DNAJC3: variants seen among roughly 807,000 people sequenced by gnomAD.
The protein encoded by DNAJC3 is dnaJ homolog subfamily C member 3.
In DNAJC3, 38 loss-of-function variants were observed where a neutral mutation model predicts 68.6. The observed-to-expected ratio is 0.55, with a 90% confidence interval of 0.43 to 0.73. DNAJC3 has a LOEUF of 0.73. Ranked by LOEUF, DNAJC3 falls within the 30% of genes least tolerant of loss-of-function variation. The pLI is 0.00. For synonymous variants in DNAJC3, 203 were observed against 204.0 expected (o/e 1.00, Z 0.04); for missense variants, 526 against 591.9 (o/e 0.89, Z 1.16).
At chr13:95,745,887 T>G (rs1170094350) in intron 4 of DNAJC3, 2 of 152,234 alleles carry the variant, frequency 1.3e-5, no homozygotes, top group African/African-American at 4.8e-5. Flanking sequence ...TAGATTTGAC[T>G]TTGTACTTCA....
chr13:95,739,904 C>T (rs1032900357), intron 4 of DNAJC3, among the ~76,000 whole-genome samples: 2 of 152,130 alleles, frequency 1.3e-5, no homozygotes, highest in African/African-American at 4.8e-5. Flanking sequence ...TTTAGAGTTT[C>T]CAGTTTTTCT....
At chr13:95,694,396 C>T (rs1351306971) in intron 1 of DNAJC3, 1 of 152,626 alleles carries the variant, frequency 6.6e-6, no homozygotes, top group Non-Finnish European at 1.5e-5. Flanking sequence ...CACAGCACCA[C>T]TAATAACCCT....
intron 2 of DNAJC3, among the ~76,000 whole-genome samples, chr13:95,721,568 AT>A (rs922881547): frequency 1.3e-5 from 2 of 151,568 alleles, no homozygotes; most frequent in Non-Finnish European, 2.9e-5. Context: ...CCTTGCGAAC[AT>A]TTGTTATTTT....
chr13:95,773,050 C>A (rs965319006), intron 9 of DNAJC3, among the ~76,000 whole-genome samples: 2 of 141,410 alleles, frequency 1.4e-5, no homozygotes, highest in African/African-American at 5.3e-5. Flanking sequence ...GTCATCTCTT[C>A]TTTAAAGTTT....
At chr13:95,738,386 T>A (rs1411614780) in intron 4 of DNAJC3, among the ~76,000 whole-genome samples, 3 of 149,556 alleles carry the variant, frequency 2.0e-5, no homozygotes, top group Non-Finnish European at 4.5e-5. Context: ...CTTGTTGACT[T>A]TCTGTCTCGT....
chr13:95,784,184 AT>A (rs1241233680), intron 9 of DNAJC3, among the ~76,000 whole-genome samples: 12 of 152,222 alleles, frequency 7.9e-5, no homozygotes, highest in Non-Finnish European at 8.8e-5. Flanking sequence ...AAAAACAAGA[AT>A]TTTATCCCAG....
intron 1 of DNAJC3, among the ~76,000 whole-genome samples, chr13:95,682,437 C>T (rs759269435): frequency 6.6e-6 from 1 of 152,014 alleles, no homozygotes; most frequent in Non-Finnish European, 1.5e-5. Flanking sequence ...TTCTTCCAGT[C>T]TTGATTGTAA....
intron 2 of DNAJC3, among the ~76,000 whole-genome samples, chr13:95,717,525 G>C (rs1216009483): frequency 6.6e-6 from 1 of 152,196 alleles, no homozygotes; most frequent in Non-Finnish European, 1.5e-5. Flanking sequence ...CTGAGAGAAT[G>C]AGTAAAACAT....
intron 4 of DNAJC3, among the ~76,000 whole-genome samples, chr13:95,747,247 T>C (rs1882331814): frequency 6.6e-6 from 1 of 152,208 alleles, no homozygotes; most frequent in African/African-American, 2.4e-5. Flanking sequence ...GAGTAAGAAT[T>C]AATCAGGCAA....
At chr13:95,717,983 G>T (rs151040822) in intron 2 of DNAJC3, among the ~76,000 whole-genome samples, 2 of 152,212 alleles carry the variant, frequency 1.3e-5, no homozygotes, top group Non-Finnish European at 2.9e-5. Context: ...TCTCCAGATA[G>T]TAGTTGTATT....
At chr13:95,685,966 CT>C (rs374118316) in intron 1 of DNAJC3, among the ~76,000 whole-genome samples, 2,358 of 143,518 alleles carry the variant, frequency 0.016, 55 homozygotes, top group African/African-American at 0.053. Context: ...CCTTTGCCCA[CT>C]TTTTTTTTTT....
chr13:95,751,629 T>TA (rs1285593077), intron 4 of DNAJC3, among the ~76,000 whole-genome samples: 1 of 152,218 alleles, frequency 6.6e-6, no homozygotes, highest in African/African-American at 2.4e-5. Flanking sequence ...GTGGTTTGAT[T>TA]AAAAACTACA....
rs1045349261 is a variant in DNAJC3 at position 95,756,877 on chromosome 13, G to A, written c.394-767G>A. The stretch of plus-strand genomic sequence containing the variant: ...TGTGCACAGGGCTGGGGTTGGGAGT[G>A]GGGATGAACTGTAAGTAAAAACAAG... On this transcript the variant is annotated intron_variant, in intron 4 of 11. Coordinates refer to ENST00000602402, the MANE Select transcript of DNAJC3 (RefSeq NM_006260.5). 6.6e-5 allele frequency among the ~76,000 whole-genome samples: 10 copies of A among 152,198 alleles called. No individual in the cohort carries two copies. The East Asian group carries it at 1.9e-3, about 29-fold the overall frequency.
chr13:95,730,249 C>T (rs1208973248), intron 4 of DNAJC3, among the ~76,000 whole-genome samples: 1 of 152,130 alleles, frequency 6.6e-6, no homozygotes, highest in African/African-American at 2.4e-5. Flanking sequence ...CCACTTTGGC[C>T]TCCCAAAGTG....
At chr13:95,776,086 C>T (rs184585909) in intron 9 of DNAJC3, among the ~76,000 whole-genome samples, 5 of 151,996 alleles carry the variant, frequency 3.3e-5, no homozygotes, top group Admixed American at 1.3e-4. Flanking sequence ...TCTTTTGCCC[C>T]AGAACTCCTT....
intron 1 of DNAJC3, among the ~76,000 whole-genome samples, chr13:95,702,872 C>T (rs1236321844): frequency 6.6e-6 from 1 of 152,210 alleles, no homozygotes; most frequent in African/African-American, 2.4e-5. Context: ...CCATCAGTCA[C>T]GTATCCATCA....
At chr13:95,691,520 C>T (rs1880260865) in intron 1 of DNAJC3, among the ~76,000 whole-genome samples, 11 of 151,788 alleles carry the variant, frequency 7.2e-5, no homozygotes, top group Admixed American at 7.2e-4. Flanking sequence ...AGGCACTCCT[C>T]ACTTCCTAGA....
chr13:95,739,292 A>G lies in DNAJC3; in HGVS notation c.393+14040A>G, dbSNP rs1241127167. Among the ~76,000 whole-genome samples, 7 of 151,366 alleles carry G rather than the reference A, an allele frequency of 4.6e-5. No homozygotes were observed. The East Asian group carries it at 1.4e-3, about 29-fold the overall frequency. ...CATTTCAACTTTGGTGAATCTGACA[A>G]TTATGTGTCTTGGAGTTGCTCTTCT... On this transcript the variant is annotated intron_variant, in intron 4 of 11. Coordinates refer to ENST00000602402, the MANE Select transcript of DNAJC3 (RefSeq NM_006260.5).
At chr13:95,677,471 C>G in intron 1 of DNAJC3, 134 bp downstream of exon 1, 3 of 905,252 alleles carry the variant, frequency 3.3e-6, no homozygotes, top group Non-Finnish European at 4.7e-6. Context: ...CGCGGCCTGG[C>G]TTGGGCCTGA....
Sources: allele counts gnomAD v4.1 joint callset (sites outside exome capture counted in the v4.1 genomes callset), GRCh38; gene constraint gnomAD v4.1.1; transcripts MANE v1.5; gene names NCBI Gene and HGNC (gene_info 2026-07-23, HGNC 2026-07-21).